Variants in RTL4 observed in about 807,000 individuals in gnomAD.
RTL4 encodes the protein retrotransposon Gag like 4, also known as retrotransposon Gag-like protein 4.
RTL4 carries 4 observed loss-of-function variants against 5.3 expected under a neutral mutation model. That is an observed-to-expected ratio of 0.75 (90% confidence interval 0.37 to 1.72). RTL4 has a LOEUF of 1.72. Among genes scored for constraint, RTL4 ranks in the 40% most tolerant of loss-of-function variants. The pLI is 0.04. For missense variants in RTL4, 260 were observed against 227.1 expected (o/e 1.14, Z -0.93); for synonymous variants, 98 against 87.3 (o/e 1.12, Z -0.68).
chrX:112,193,774 A>G, the RTL4 span, among the ~76,000 whole-genome samples: 1 of 111,058 alleles, frequency 9.0e-6, no homozygotes, highest in East Asian at 2.8e-4. Flanking sequence ...GATAATTTCA[A>G]TTGACCTATC....
the RTL4 span, among the ~76,000 whole-genome samples, chrX:112,177,574 TG>T: frequency 1.8e-5 from 2 of 110,292 alleles, no homozygotes; most frequent in African/African-American, 6.6e-5. Context: ...GTATGTACTC[TG>T]GTTATTAATC....
the RTL4 span, among the ~76,000 whole-genome samples, chrX:112,410,936 A>G: frequency 8.9e-6 from 1 of 111,743 alleles, no homozygotes; most frequent in Non-Finnish European, 1.9e-5. Context: ...ACAAAATGAA[A>G]AGTTGGTTTT....
the RTL4 span, among the ~76,000 whole-genome samples, chrX:112,303,924 C>A: frequency 9.0e-6 from 1 of 111,044 alleles, no homozygotes; most frequent in Non-Finnish European, 1.9e-5. Context: ...ATTACTACCA[C>A]CCACCATCTA....
At chrX:112,353,855 A>G in the RTL4 span, among the ~76,000 whole-genome samples, 1 of 111,576 alleles carries the variant, frequency 9.0e-6, no homozygotes, top group Middle Eastern at 4.7e-3. Flanking sequence ...AAAATAAAAA[A>G]GAAGAGGTTT....
At chrX:112,161,836 C>T in the RTL4 span, among the ~76,000 whole-genome samples, 3,154 of 34,591 alleles carry the variant, frequency 0.091, 122 homozygotes, top group Middle Eastern at 0.13. Context: ...TTCCTTCCTT[C>T]CTTCCTTCCT....
At chrX:112,257,485 A>G in the RTL4 span, among the ~76,000 whole-genome samples, 5 of 111,298 alleles carry the variant, frequency 4.5e-5, no homozygotes, top group Admixed American at 9.7e-5. Flanking sequence ...TCAGTCCACT[A>G]TAACAAATTT....
the RTL4 span, among the ~76,000 whole-genome samples, chrX:112,239,205 G>A: frequency 9.0e-6 from 1 of 111,489 alleles, no homozygotes; most frequent in Non-Finnish European, 1.9e-5. Flanking sequence ...GGCTGAGCAA[G>A]AGGGAGCTGA....
At chrX:112,198,633 CTATT>C in the RTL4 span, among the ~76,000 whole-genome samples, 1 of 111,110 alleles carries the variant, frequency 9.0e-6, no homozygotes, top group Non-Finnish European at 1.9e-5. Context: ...TCTAAAATAT[CTATT>C]TATCTATTTA....
chrX:112,398,544 C>T, the RTL4 span, among the ~76,000 whole-genome samples: 31 of 108,329 alleles, frequency 2.9e-4, no homozygotes, highest in Non-Finnish European at 5.4e-4. Flanking sequence ...GGACCACAGG[C>T]GCCTGCCACC....
At chrX:112,365,469 G>T in the RTL4 span, among the ~76,000 whole-genome samples, 1 of 111,118 alleles carries the variant, frequency 9.0e-6, no homozygotes, top group African/African-American at 3.3e-5. Context: ...CATTCCTCTG[G>T]CTAAGAGAGA....
At chrX:112,455,627 C>G (rs1223226995) in exon 1 of RTL4, 8 of 1,207,759 alleles carry the variant, frequency 6.6e-6, no homozygotes, top group Non-Finnish European at 8.9e-6. Flanking sequence ...CGTTCTCGAG[C>G]TCCGGCAACG....
chrX:112,327,287 T>A, the RTL4 span, among the ~76,000 whole-genome samples: 1 of 111,572 alleles, frequency 9.0e-6, no homozygotes, highest in East Asian at 2.8e-4. Context: ...ATAACTAGAA[T>A]AACCAATACA....
chrX:112,223,496 A>G, the RTL4 span, among the ~76,000 whole-genome samples: 4 of 112,197 alleles, frequency 3.6e-5, no homozygotes, highest in Non-Finnish European at 7.5e-5. Context: ...AGGATGGGCT[A>G]AGGTACTTGC....
the RTL4 span, among the ~76,000 whole-genome samples, chrX:112,447,042 T>A: frequency 8.9e-6 from 1 of 111,844 alleles, no homozygotes; most frequent in African/African-American, 3.3e-5. Flanking sequence ...ATAATTCCCA[T>A]ATTTAAATAT....
At chrX:112,124,964 G>A in the RTL4 span, among the ~76,000 whole-genome samples, 1 of 110,612 alleles carries the variant, frequency 9.0e-6, no homozygotes, top group South Asian at 3.9e-4. Context: ...GCAGTGGTGC[G>A]ATCTCAGCTC....
chrX:112,107,350 A>C, the RTL4 span, among the ~76,000 whole-genome samples: 1 of 112,093 alleles, frequency 8.9e-6, no homozygotes, highest in South Asian at 3.7e-4. Flanking sequence ...GGTGATTTTC[A>C]CACCATTATT....
chrX:112,237,964 A>G, the RTL4 span, among the ~76,000 whole-genome samples: 1 of 112,143 alleles, frequency 8.9e-6, no homozygotes, highest in Admixed American at 9.5e-5. Context: ...CTACAGCTGC[A>G]TAATGAACAC....
At chrX:112,230,445 G>C in the RTL4 span, among the ~76,000 whole-genome samples, 2 of 112,310 alleles carry the variant, frequency 1.8e-5, no homozygotes, top group African/African-American at 6.5e-5. Context: ...TCTTTGACTA[G>C]GAAAGGGAAT....
At chrX:112,386,739 C>A in the RTL4 span, among the ~76,000 whole-genome samples, 2 of 111,978 alleles carry the variant, frequency 1.8e-5, no homozygotes, top group South Asian at 7.4e-4. Flanking sequence ...GCCACAATTT[C>A]TTTATCCACT....
Sources: allele counts gnomAD v4.1 joint callset (sites outside exome capture counted in the v4.1 genomes callset), GRCh38; gene constraint gnomAD v4.1.1; transcripts MANE v1.5; gene names NCBI Gene and HGNC (gene_info 2026-07-23, HGNC 2026-07-21).